NXPE4: variants seen among roughly 807,000 people sequenced by gnomAD.
NXPE4 encodes the protein NXPE family member 4.
A neutral mutation model predicts 33.3 loss-of-function variants in NXPE4; 42 were observed. That is an observed-to-expected ratio of 1.26 (90% CI 0.98 to 1.63). NXPE4 has a LOEUF of 1.63. Ranked by LOEUF, NXPE4 falls within the 40% of genes most tolerant of loss-of-function variation. The pLI is 0.00. For missense variants in NXPE4, 709 were observed against 647.6 expected (o/e 1.09, Z -1.03); for synonymous variants, 253 against 234.9 (o/e 1.08, Z -0.71).
chr11:114,619,230 G>A, the NXPE4 span, among the ~76,000 whole-genome samples: 96 of 151,672 alleles, frequency 6.3e-4, no homozygotes, highest in African/African-American at 1.9e-3. Flanking sequence ...ACTCTTACCC[G>A]GTAGAATATA....
upstream of NXPE4, among the ~76,000 whole-genome samples, chr11:114,600,633 C>T (rs1949626408): frequency 6.6e-6 from 1 of 151,956 alleles, no homozygotes; most frequent in East Asian, 1.9e-4. Context: ...GCTAAGGAGA[C>T]ATGATGACTA....
At chr11:114,572,196 G>T (rs1334416073) in intron 5 of NXPE4, among the ~76,000 whole-genome samples, 1 of 152,146 alleles carries the variant, frequency 6.6e-6, no homozygotes, top group Non-Finnish European at 1.5e-5. Context: ...GGAGCACCCT[G>T]TGGGACAAAA....
At chr11:114,602,095 CAT>C in the NXPE4 span, among the ~76,000 whole-genome samples, 10 of 89,302 alleles carry the variant, frequency 1.1e-4, no homozygotes, top group South Asian at 1.9e-3. Flanking sequence ...TTATATATAA[CAT>C]ATATTATAAT....
At chr11:114,577,674 G>T (rs1236614209) in intron 5 of NXPE4, among the ~76,000 whole-genome samples, 2 of 152,166 alleles carry the variant, frequency 1.3e-5, no homozygotes, top group African/African-American at 4.8e-5. Flanking sequence ...TTCCTTGGAG[G>T]ATTATGTGGT....
chr11:114,618,692 A>G, the NXPE4 span, among the ~76,000 whole-genome samples: 4 of 152,040 alleles, frequency 2.6e-5, no homozygotes, highest in Non-Finnish European at 5.9e-5. Context: ...CCACTTGATA[A>G]TAAGTGCTGT....
chr11:114,626,094 G>T, the NXPE4 span, among the ~76,000 whole-genome samples: 1 of 152,186 alleles, frequency 6.6e-6, no homozygotes, highest in African/African-American at 2.4e-5. Flanking sequence ...CAGCGAGGCT[G>T]GGAGAGGGGC....
At chr11:114,639,185 C>G in the NXPE4 span, among the ~76,000 whole-genome samples, 11 of 152,046 alleles carry the variant, frequency 7.2e-5, no homozygotes, top group East Asian at 2.1e-3. Flanking sequence ...GCACCCCTCC[C>G]CCAGCCTCAC....
At chr11:114,655,217 G>T in the NXPE4 span, among the ~76,000 whole-genome samples, 2 of 152,214 alleles carry the variant, frequency 1.3e-5, no homozygotes, top group East Asian at 3.9e-4. Flanking sequence ...GTAAATGCTG[G>T]ATATTAAACC....
At chr11:114,590,387 C>CCCCT (rs767101687) in intron 2 of NXPE4, among the ~76,000 whole-genome samples, 7 of 152,104 alleles carry the variant, frequency 4.6e-5, no homozygotes, top group East Asian at 1.9e-4. Flanking sequence ...TTCCTCCTTC[C>CCCCT]CCCTCCCTAA....
At chr11:114,650,073 A>AG in the NXPE4 span, among the ~76,000 whole-genome samples, 3 of 152,234 alleles carry the variant, frequency 2.0e-5, no homozygotes, top group Non-Finnish European at 4.4e-5. Context: ...CCTAACAATG[A>AG]GAAAAAAAAT....
the NXPE4 span, among the ~76,000 whole-genome samples, chr11:114,626,672 G>A: frequency 6.6e-6 from 1 of 152,216 alleles, no homozygotes; most frequent in Admixed American, 6.5e-5. Flanking sequence ...GCTGGACGGA[G>A]AATGACTTTG....
chr11:114,630,460 G>T, the NXPE4 span, among the ~76,000 whole-genome samples: 1 of 151,540 alleles, frequency 6.6e-6, no homozygotes, highest in Non-Finnish European at 1.5e-5. Context: ...TGGGAAAACT[G>T]GCTAGCCATA....
At chr11:114,622,687 G>A in the NXPE4 span, among the ~76,000 whole-genome samples, 1 of 151,600 alleles carries the variant, frequency 6.6e-6, no homozygotes, top group South Asian at 2.1e-4. Context: ...ATGTTGCCTA[G>A]TGGTTAACCC....
the NXPE4 span, among the ~76,000 whole-genome samples, chr11:114,640,693 T>C: frequency 6.6e-6 from 1 of 152,054 alleles, no homozygotes; most frequent in South Asian, 2.1e-4. Flanking sequence ...TAATTTCCAT[T>C]TCCCTGATGA....
intron 2 of NXPE4, among the ~76,000 whole-genome samples, chr11:114,587,742 A>G (rs974657256): frequency 6.6e-6 from 1 of 152,130 alleles, no homozygotes. Flanking sequence ...GACTAAAGGG[A>G]CACCTTTTTT....
At chr11:114,639,091 A>C in the NXPE4 span, among the ~76,000 whole-genome samples, 1 of 152,044 alleles carries the variant, frequency 6.6e-6, no homozygotes, top group East Asian at 1.9e-4. Flanking sequence ...AGAGGCAGGC[A>C]GCCCTCCTTG....
chr11:114,657,050 C>G, the NXPE4 span, among the ~76,000 whole-genome samples: 2 of 152,118 alleles, frequency 1.3e-5, no homozygotes, highest in African/African-American at 4.8e-5. Context: ...GCTGAGATTG[C>G]GCCACTGCAC....
At position 114,594,877 on chromosome 11, in the gene NXPE4, C is replaced by T. The variant is rs11215079; in HGVS notation, c.-10-108G>A. On this transcript the variant is annotated intron_variant, in intron 1 of 5. Transcript: ENST00000375478. Reference sequence around the variant, plus strand: ...TTTTGGCTCATGATTACTTTTTAGCCTCAGATAAATAACTCCCAGAAATAA... The same window carrying T: ...TTTTGGCTCATGATTACTTTTTAGCTTCAGATAAATAACTCCCAGAAATAA... 42,037 of 614,720 alleles carry T rather than the reference C, an allele frequency of 0.068. 3,133 individuals are homozygous for T. Among genetic ancestry groups the T allele is most frequent in the East Asian group, 0.31 (10,973 of 35,944 alleles). 38.1% of individuals were successfully genotyped at this position (614,720 alleles called of 1,614,324 possible).
At chr11:114,632,665 AG>A in the NXPE4 span, among the ~76,000 whole-genome samples, 1 of 83,042 alleles carries the variant, frequency 1.2e-5, no homozygotes, top group African/African-American at 5.6e-5. Context: ...ATAAATATAT[AG>A]TATATATATT....
Sources: gnomAD v4.1 joint callset for allele counts (sites outside exome capture counted in the v4.1 genomes callset) on GRCh38, gnomAD v4.1.1 for gene constraint, MANE v1.5 for transcripts, NCBI Gene and HGNC (gene_info 2026-07-23, HGNC 2026-07-21) for gene names.